KIAA1755: variants seen among roughly 807,000 people sequenced by gnomAD.
KIAA1755 encodes the protein uncharacterized protein KIAA1755.
A neutral mutation model predicts 91.7 loss-of-function variants in KIAA1755; 68 were observed. The ratio of observed to expected loss-of-function variants is 0.74; its 90% CI spans 0.61 to 0.91. KIAA1755 has a LOEUF of 0.91. KIAA1755 is among the 40% of genes least tolerant of loss of function. The probability of loss-of-function intolerance (pLI) is 0.00; values close to 1 mark genes in which losing one functional copy is unlikely to be tolerated. For synonymous variants in KIAA1755, 610 were observed against 604.6 expected, an observed-to-expected ratio of 1.01 and a Z score of -0.13; for missense variants, 1,535 against 1,494.4, an observed-to-expected ratio of 1.03 and a Z score of -0.45.
chr20:38,211,710 C>T lies in KIAA1755; in HGVS notation c.*1332G>A, dbSNP rs570007499. 6.6e-6 allele frequency: 1 copy of T among 152,390 alleles called. No homozygotes were observed. Among genetic ancestry groups the T allele is most frequent in the South Asian group, 2.1e-4 (1 of 4,830 alleles). 9.4% of individuals were successfully genotyped at this position (152,390 alleles called of 1,614,324 possible). A position where few individuals can be genotyped will look rare whatever the true frequency, so the allele number is the denominator to read the frequency against. On this transcript the variant is annotated 3_prime_UTR_variant, in exon 14 of 14. Coordinates refer to ENST00000279024, the MANE Select transcript of KIAA1755 (RefSeq NM_001029864.2). ...GGCGGAGAGGATTCTCTCTGGAGGACAAGGACAAGGTTCCACAGGGTTCCT... is the reference window on the plus strand; with the variant it reads ...GGCGGAGAGGATTCTCTCTGGAGGATAAGGACAAGGTTCCACAGGGTTCCT...
In KIAA1755 at chr20:38,258,144, G is replaced by A. The variant is rs1042301753; in HGVS notation, c.3+2354C>T. ...TTGAACTCCTGACCTCTGGTGATCCGCCAGCCTCGGCCTCCCAAAGTGCTG... is the reference window on the plus strand; with the variant it reads ...TTGAACTCCTGACCTCTGGTGATCCACCAGCCTCGGCCTCCCAAAGTGCTG... On this transcript the variant is annotated intron_variant, in intron 1 of 13. Transcript: ENST00000279024. Among the ~76,000 whole-genome samples, 9 of 152,104 alleles carry A rather than the reference G, an allele frequency of 5.9e-5. No individual in the cohort carries two copies. In the East Asian group the frequency reaches 1.2e-3, roughly 20 times the overall value.
chr20:38,226,474 T>C (rs1461505616), intron 7 of KIAA1755, among the ~76,000 whole-genome samples: 1 of 152,094 alleles, frequency 6.6e-6, no homozygotes, highest in Non-Finnish European at 1.5e-5. Context: ...AATCAGAACC[T>C]GCACATTAAT....
At chr20:38,217,896 C>T (rs1221280257) in intron 12 of KIAA1755, 1 of 412,344 alleles carries the variant, frequency 2.4e-6, no homozygotes, top group Non-Finnish European at 4.4e-6. Flanking sequence ...GGCTGAATCA[C>T]CCTGTGGTCC....
chr20:38,218,951 T>G (rs2075604441), intron 11 of KIAA1755, among the ~76,000 whole-genome samples: 1 of 152,116 alleles, frequency 6.6e-6, no homozygotes, highest in South Asian at 2.1e-4. Context: ...CGAGTGGAAG[T>G]TCCTTTCTTA....
chr20:38,225,376 C>A (rs1458437697), intron 8 of KIAA1755, among the ~76,000 whole-genome samples: 1 of 152,172 alleles, frequency 6.6e-6, no homozygotes, highest in Non-Finnish European at 1.5e-5. Context: ...ACAAAAACCC[C>A]ATGAGGAGGT....
At chr20:38,223,120 C>T (rs530091109) in intron 9 of KIAA1755, 6 of 197,414 alleles carry the variant, frequency 3.0e-5, no homozygotes, top group Non-Finnish European at 6.2e-5. Context: ...CATGTGTTTG[C>T]CCCCTGCCTG....
rs965894134 is a variant in KIAA1755 at position 38,227,180 on chromosome 20, G to A, written c.2026C>T (p.Gln676Ter). Reference protein sequence around the residue: ...LFLGEKEAALQLQTLPDVQVE... With the variant: ...LFLGEKEAAL ...TGGACGTCAGGTAATGTCTGCAGCT[G>A]GAGAGCCGCCTCCTTCTCCCCCAGG... Residue 676 changes from glutamine to a stop codon, truncating the protein, a stop_gained, in exon 7 of 14, where the codon CAG (glutamine) becomes TAG (stop). Transcript: ENST00000279024. LOFTEE classifies it high-confidence loss of function. The A allele has an allele frequency of 2.5e-6, 4 of 1,613,950 alleles. No individual in the cohort carries two copies. Among genetic ancestry groups the A allele is most frequent in the Admixed American group, 3.3e-5 (2 of 60,010 alleles).
chr20:38,222,847 C>T (rs941481398), intron 9 of KIAA1755: 2 of 579,564 alleles, frequency 3.5e-6, no homozygotes, highest in African/African-American at 3.7e-5. Context: ...GATCTCCCTG[C>T]TGCCCTCTGG....
At chr20:38,242,657 T>C (rs1335330581) in intron 2 of KIAA1755, among the ~76,000 whole-genome samples, 1 of 152,308 alleles carries the variant, frequency 6.6e-6, no homozygotes, top group Non-Finnish European at 1.5e-5. Context: ...GAACATCTTA[T>C]TGAATTTGGA....
chr20:38,256,893 C>T (rs1303525312), intron 1 of KIAA1755, among the ~76,000 whole-genome samples: 2 of 152,164 alleles, frequency 1.3e-5, no homozygotes, highest in Admixed American at 6.5e-5. Flanking sequence ...AAGCTGTAAA[C>T]TAAAAATTGT....
At chr20:38,248,116 C>A (rs534592413) in intron 1 of KIAA1755, among the ~76,000 whole-genome samples, 1 of 152,308 alleles carries the variant, frequency 6.6e-6, no homozygotes, top group Non-Finnish European at 1.5e-5. Flanking sequence ...GTAATCCCAG[C>A]TACTCGGGAG....
intron 13 of KIAA1755, among the ~76,000 whole-genome samples, chr20:38,216,091 G>A (rs1042249983): frequency 2.6e-5 from 4 of 152,182 alleles, no homozygotes; most frequent in Non-Finnish European, 5.9e-5. Context: ...GACTAGAACA[G>A]GGCCTGGCTT....
At chr20:38,244,117 G>A (rs2123260161) in intron 2 of KIAA1755, among the ~76,000 whole-genome samples, 1 of 152,240 alleles carries the variant, frequency 6.6e-6, no homozygotes, top group East Asian at 1.9e-4. Flanking sequence ...CACCTACAAG[G>A]AAAAATAAAG....
intron 4 of KIAA1755, among the ~76,000 whole-genome samples, chr20:38,234,315 C>T (rs1358788991): frequency 6.6e-6 from 1 of 152,166 alleles, no homozygotes; most frequent in Non-Finnish European, 1.5e-5. Context: ...CAAGATGCCA[C>T]CTCTTCCTGG....
At chr20:38,258,197 G>A (rs752503169) in intron 1 of KIAA1755, among the ~76,000 whole-genome samples, 3 of 152,036 alleles carry the variant, frequency 2.0e-5, no homozygotes, top group Admixed American at 1.3e-4. Context: ...CACTGCGCCC[G>A]GCTTAGTTAC....
At position 38,210,990 on chromosome 20, in the gene KIAA1755, A is replaced by C. The variant is rs1208374847; in HGVS notation, c.*2052T>G. On this transcript the variant is annotated 3_prime_UTR_variant, in exon 14 of 14. Coordinates refer to ENST00000279024, the MANE Select transcript of KIAA1755 (RefSeq NM_001029864.2). ...AGGCCCCAGCCCCGGGTGTTCCCCA[A>C]ATGCACCCCCACTTTGCTGAGTCAC... is the stretch of plus-strand genomic sequence containing the variant. The C allele has an allele frequency of 1.3e-5, 2 of 152,190 alleles. No individual in the cohort carries two copies. The highest frequency in any genetic ancestry group is 2.9e-5 in the Non-Finnish European group (2 of 68,060). The allele number at this position is 152,190 out of a possible 1,614,324, so 9.4% of individuals were successfully genotyped here.
chr20:38,249,805 C>T (rs977001837), intron 1 of KIAA1755, among the ~76,000 whole-genome samples: 1 of 151,830 alleles, frequency 6.6e-6, no homozygotes. Context: ...CCCCCCCCAA[C>T]CCCCACCAAT....
chr20:38,216,073 C>A (rs187187593), intron 13 of KIAA1755, among the ~76,000 whole-genome samples: 4 of 152,252 alleles, frequency 2.6e-5, no homozygotes, highest in African/African-American at 9.6e-5. Context: ...TAAAATGATA[C>A]GTGAAATGAC....
intron 4 of KIAA1755, chr20:38,233,116 GT>G (rs2075899242): frequency 6.6e-6 from 1 of 152,098 alleles, no homozygotes; most frequent in African/African-American, 2.4e-5. Context: ...GTGAGACCTT[GT>G]CTCAAAAGAA....
Sources: allele counts gnomAD v4.1 joint callset (sites outside exome capture counted in the v4.1 genomes callset), GRCh38; gene constraint gnomAD v4.1.1; transcripts MANE v1.5; gene names NCBI Gene and HGNC (gene_info 2026-07-23, HGNC 2026-07-21).